The following IL6R variants were observed in gnomAD, a reference collection of about 807,000 sequenced individuals.
IL6R encodes the protein interleukin 6 receptor, also known as interleukin-6 receptor subunit alpha.
IL6R carries 38 observed loss-of-function variants against 48.3 expected under a neutral mutation model. That is an observed-to-expected ratio of 0.79 (90% CI 0.61 to 1.03). The LOEUF is 1.03. Ranked by LOEUF, IL6R falls within the 50% of genes least tolerant of loss-of-function variation. The probability of loss-of-function intolerance (pLI) is 0.00; values close to 1 mark genes in which losing one functional copy is unlikely to be tolerated. For missense variants in IL6R, 534 were observed against 618.3 expected (o/e 0.86, Z 1.45); for synonymous variants, 264 against 256.2 (o/e 1.03, Z -0.29).
chr1:154,415,056 T>C, intron 1 of IL6R: 3 of 1,486,496 alleles, frequency 2.0e-6, no homozygotes, highest in South Asian at 1.2e-5. Flanking sequence ...AAGAACTAGC[T>C]TGAGGCAGCC....
chr1:154,452,979 C>T (rs541861851), intron 8 of IL6R, among the ~76,000 whole-genome samples: 42 of 152,104 alleles, frequency 2.8e-4, no homozygotes, highest in African/African-American at 6.0e-4. Flanking sequence ...CCGAGGTGGG[C>T]GGATCACCTA....
intron 9 of IL6R, among the ~76,000 whole-genome samples, chr1:154,458,030 G>A (rs1185579163): frequency 3.4e-5 from 5 of 147,686 alleles, no homozygotes; most frequent in Admixed American, 6.9e-5. Context: ...GCAGTGGCGC[G>A]ATCTTGGCTC....
chr1:154,416,472 A>G (rs1297027722), intron 1 of IL6R, among the ~76,000 whole-genome samples: 1 of 152,134 alleles, frequency 6.6e-6, no homozygotes, highest in African/African-American at 2.4e-5. Context: ...TAATTAGGGA[A>G]CACTGATGTA....
chr1:154,412,049 G>A (rs1688052794), intron 1 of IL6R, among the ~76,000 whole-genome samples: 1 of 148,482 alleles, frequency 6.7e-6, no homozygotes, highest in South Asian at 2.2e-4. Flanking sequence ...CCAGGTTCAC[G>A]CAGTTCTCCT....
chr1:154,429,178 G>GAAGA lies in IL6R; in HGVS notation c.86-18_86-17insAAGA. On this transcript the variant is annotated splice_polypyrimidine_tract_variant and intron_variant, in intron 1 of 9. Coordinates refer to ENST00000368485, the MANE Select transcript of IL6R (RefSeq NM_000565.4). Reference sequence around the variant, plus strand: ...TTCAGTGGCTGTGGGCTCACCAAGTGTCTTCTCCCTCCTCCAGAGGTGGCG... The same window carrying GAAGA: ...TTCAGTGGCTGTGGGCTCACCAAGTGAAGATCTTCTCCCTCCTCCAGAGGTGGCG... The GAAGA allele has an allele frequency of 2.5e-6, 4 of 1,602,014 alleles. No individual in the cohort carries two copies. The highest frequency in any genetic ancestry group is 3.4e-6 in the Non-Finnish European group (4 of 1,170,218).
intron 1 of IL6R, chr1:154,414,301 G>T: frequency 1.4e-6 from 1 of 731,082 alleles, no homozygotes. Context: ...TTTATTGGAG[G>T]AAACCTTGCA....
rs960267021 is a variant in IL6R, at chr1:154,467,876, G to A, written c.*2496G>A. 1 of 152,214 alleles carries A rather than the reference G, an allele frequency of 6.6e-6. No individual in the cohort carries two copies. The highest frequency in any genetic ancestry group is 1.5e-5 in the Non-Finnish European group (1 of 68,052). The allele number at this position is 152,214 out of a possible 1,614,324, so 9.4% of individuals were successfully genotyped here. ...GAAATATTAAGAATGAGAATCTGCA[G>A]TAAGGGTGATTCTGTGCCCACAGTT... On this transcript the variant is annotated 3_prime_UTR_variant, in exon 10 of 10. Transcript: ENST00000368485.
chr1:154,452,324 C>T (rs1008615422), intron 8 of IL6R, among the ~76,000 whole-genome samples: 5 of 152,168 alleles, frequency 3.3e-5, no homozygotes, highest in Admixed American at 6.5e-5. Flanking sequence ...TATCTTTAGA[C>T]GTTGCCTCTC....
intron 6 of IL6R, among the ~76,000 whole-genome samples, chr1:154,447,388 G>A (rs1690285327): frequency 7.3e-6 from 1 of 137,312 alleles, no homozygotes; most frequent in Non-Finnish European, 1.5e-5. Context: ...GCAGTGAGCC[G>A]AGATTATGCC....
chr1:154,445,726 G>A (rs1054656224), intron 6 of IL6R, among the ~76,000 whole-genome samples: 2 of 148,886 alleles, frequency 1.3e-5, no homozygotes, highest in Non-Finnish European at 1.5e-5. Flanking sequence ...CTCCAGCCCA[G>A]GCGACAGAGC....
chr1:154,422,186 C>T (rs1020290093), intron 1 of IL6R, among the ~76,000 whole-genome samples: 2 of 152,144 alleles, frequency 1.3e-5, no homozygotes, highest in African/African-American at 4.8e-5. Flanking sequence ...AGGTGATCTG[C>T]CCGCCTCGGC....
intron 6 of IL6R, among the ~76,000 whole-genome samples, chr1:154,439,502 A>C (rs1189956088): frequency 6.6e-6 from 1 of 151,976 alleles, no homozygotes; most frequent in African/African-American, 2.4e-5. Context: ...TTTAGTGGAG[A>C]TGGGGTTTCA....
intron 1 of IL6R, among the ~76,000 whole-genome samples, chr1:154,406,171 C>T (rs771480280): frequency 2.4e-4 from 37 of 152,090 alleles, no homozygotes; most frequent in Non-Finnish European, 3.2e-4. Flanking sequence ...GGGTCCACCT[C>T]GCCTGGTCCT....
intron 1 of IL6R, among the ~76,000 whole-genome samples, chr1:154,428,238 A>T (rs1471916060): frequency 6.6e-6 from 1 of 151,976 alleles, no homozygotes; most frequent in African/African-American, 2.4e-5. Flanking sequence ...GAATACACCC[A>T]ATTTTTTTCA....
intron 1 of IL6R, chr1:154,415,075 C>G: frequency 3.7e-6 from 5 of 1,369,452 alleles, no homozygotes; most frequent in Non-Finnish European, 5.1e-6. Flanking sequence ...CCCAGCTCTT[C>G]CCTGCACTTG....
intron 1 of IL6R, among the ~76,000 whole-genome samples, chr1:154,424,200 C>T (rs545941092): frequency 6.6e-6 from 1 of 152,344 alleles, no homozygotes; most frequent in East Asian, 1.9e-4. Flanking sequence ...TGCCGAGACC[C>T]TGTCCCTGTG....
intron 9 of IL6R, 101 bp from the exon 10 acceptor site, chr1:154,465,033 C>A: frequency 7.0e-7 from 1 of 1,436,092 alleles, no homozygotes; most frequent in Non-Finnish European, 9.7e-7. Context: ...CCTGGGCGCG[C>A]CAGGCCACCA....
chr1:154,450,104 CTGTG>C lies in IL6R; in HGVS notation c.1066+160_1066+163del, dbSNP rs71586016. ...ATCACAGATCAATCGCAGAAATGTT[CTGTG>C]TGTGTGTGTGTGTGTGTGTGTGTGT... On this transcript the variant is annotated intron_variant, in intron 8 of 9. Transcript: ENST00000368485. 9.7e-3 allele frequency: 4,627 copies of C among 477,682 alleles called. 32 individuals carry two copies. The highest frequency in any genetic ancestry group is 0.044 in the African/African-American group (2,144 of 48,360). The allele number at this position is 477,682 out of a possible 1,614,324, so 29.6% of individuals were successfully genotyped here.
At chr1:154,434,195 C>T (rs185712383) in intron 3 of IL6R, among the ~76,000 whole-genome samples, 36 of 151,854 alleles carry the variant, frequency 2.4e-4, no homozygotes, top group African/African-American at 7.2e-4. Context: ...TTGCTGGGCA[C>T]GCTCAGGAGG....
Sources: gnomAD v4.1 joint callset for allele counts (sites outside exome capture counted in the v4.1 genomes callset) on GRCh38, gnomAD v4.1.1 for gene constraint, MANE v1.5 for transcripts, NCBI Gene and HGNC (gene_info 2026-07-23, HGNC 2026-07-21) for gene names.